The following ZDHHC14 variants were observed in gnomAD, a reference collection of about 807,000 sequenced individuals.
ZDHHC14 encodes the protein palmitoyltransferase ZDHHC14.
A neutral mutation model predicts 47.7 loss-of-function variants in ZDHHC14; 16 were observed. That is an observed-to-expected ratio of 0.34 (90% CI 0.23 to 0.51). The LOEUF (loss-of-function observed/expected upper bound fraction) is 0.51. ZDHHC14 is among the 20% of genes least tolerant of loss of function. The probability of loss-of-function intolerance (pLI) is 0.97; values close to 1 mark genes in which losing one functional copy is unlikely to be tolerated. For synonymous variants in ZDHHC14, 293 were observed against 278.9 expected (o/e 1.05, Z -0.50); for missense variants, 515 against 662.5 (o/e 0.78, Z 2.44).
chr6:157,467,932 T>C (rs1779259730), intron 1 of ZDHHC14, among the ~76,000 whole-genome samples: 1 of 152,212 alleles, frequency 6.6e-6, no homozygotes, highest in Non-Finnish European at 1.5e-5. Flanking sequence ...TGGTTCCACT[T>C]TGGGGTTCCT....
intron 2 of ZDHHC14, among the ~76,000 whole-genome samples, chr6:157,588,403 G>A (rs1783775219): frequency 1.3e-5 from 2 of 152,332 alleles, no homozygotes; most frequent in South Asian, 4.1e-4. Flanking sequence ...AGGCTACAGT[G>A]AGCTATGATA....
intron 2 of ZDHHC14, among the ~76,000 whole-genome samples, chr6:157,563,093 C>T (rs1782770917): frequency 6.6e-6 from 1 of 152,194 alleles, no homozygotes; most frequent in South Asian, 2.1e-4. Context: ...GTCTCCCAGG[C>T]ACCCGGAGCT....
chr6:157,624,972 A>G (rs1250707563), intron 3 of ZDHHC14, among the ~76,000 whole-genome samples: 1 of 152,136 alleles, frequency 6.6e-6, no homozygotes, highest in African/African-American at 2.4e-5. Context: ...GTGTCCTCCC[A>G]TGGCAGAAGG....
intron 2 of ZDHHC14, among the ~76,000 whole-genome samples, chr6:157,575,595 C>T (rs1783275811): frequency 6.6e-6 from 1 of 152,150 alleles, no homozygotes; most frequent in Non-Finnish European, 1.5e-5. Flanking sequence ...GTTCCCTGCT[C>T]CCAGCGAGTG....
intron 1 of ZDHHC14, among the ~76,000 whole-genome samples, chr6:157,420,082 A>G (rs1778065148): frequency 6.6e-6 from 1 of 152,232 alleles, no homozygotes; most frequent in South Asian, 2.1e-4. Context: ...CCATCTCCCC[A>G]GGTTATTTTA....
At position 157,653,591 on chromosome 6, in the gene ZDHHC14, C is replaced by T. The variant is rs1349799901; in HGVS notation, c.1032C>T (p.Ile344=). The T allele has an allele frequency of 6.2e-7, 1 of 1,613,956 alleles. No homozygotes were observed. The highest frequency in any genetic ancestry group is 8.5e-7 in the Non-Finnish European group (1 of 1,179,978). ...AGCCAGCAGCACCCTCCAATGGCAT[C>T]ACCATGTACGGGGCCACGCAGTCAC... is the stretch of plus-strand genomic sequence containing the variant. The part of the protein sequence containing the change: ...TPQPAAPSNG[I]TMYGATQSQS... The change falls in exon 8 of 9, where the codon ATC becomes ATT. Residue 344 remains isoleucine, a synonymous_variant. Coordinates refer to ENST00000359775, the MANE Select transcript of ZDHHC14 (RefSeq NM_024630.3).
intron 1 of ZDHHC14, among the ~76,000 whole-genome samples, chr6:157,417,751 C>T (rs993121777): frequency 1.3e-5 from 2 of 152,094 alleles, no homozygotes; most frequent in African/African-American, 2.4e-5. Flanking sequence ...GAGGCCGAGG[C>T]GGGCGGATCA....
intron 8 of ZDHHC14, among the ~76,000 whole-genome samples, chr6:157,661,314 T>G (rs1400443736): frequency 6.6e-6 from 1 of 152,224 alleles, no homozygotes; most frequent in East Asian, 1.9e-4. Context: ...ATCTGTTTTG[T>G]CAGCTAGCCT....
At chr6:157,615,623 G>A (rs1342122276) in intron 3 of ZDHHC14, among the ~76,000 whole-genome samples, 1 of 152,158 alleles carries the variant, frequency 6.6e-6, no homozygotes, top group African/African-American at 2.4e-5. Context: ...TAGGCAAAAG[G>A]CCAGGACCCA....
intron 3 of ZDHHC14, among the ~76,000 whole-genome samples, chr6:157,627,849 G>A (rs949543535): frequency 1.3e-5 from 2 of 152,216 alleles, no homozygotes; most frequent in Admixed American, 6.5e-5. Flanking sequence ...TCTGCTGAAC[G>A]GTTGTAACTG....
At position 157,645,725 on chromosome 6, in the gene ZDHHC14, G is replaced by A. The variant is rs1324566425; in HGVS notation, c.753-12G>A. ...GTCCCTCACTTCCGCTTGCCTCCTT[G>A]ACTCGCATCACCGTCCTGGAGGCTG... On this transcript the variant is annotated splice_polypyrimidine_tract_variant and intron_variant, in intron 5 of 8. Transcript: ENST00000359775. 1 of 1,612,410 alleles carries A rather than the reference G, an allele frequency of 6.2e-7. No homozygotes were observed. Among genetic ancestry groups the A allele is most frequent in the African/African-American group, 1.3e-5 (1 of 74,882 alleles).
chr6:157,654,740 CTTT>C (rs11376227), intron 8 of ZDHHC14, among the ~76,000 whole-genome samples: 1 of 145,866 alleles, frequency 6.9e-6, no homozygotes, highest in Non-Finnish European at 1.5e-5. Context: ...TTTTCTCTCT[CTTT>C]TTTTTTTTTG....
chr6:157,514,798 AT>A (rs1399350437), intron 1 of ZDHHC14, among the ~76,000 whole-genome samples: 12 of 152,150 alleles, frequency 7.9e-5, no homozygotes, highest in African/African-American at 2.9e-4. Context: ...CACCGATGGT[AT>A]AGGCACAAAA....
chr6:157,473,086 G>A (rs1290412043), intron 1 of ZDHHC14, among the ~76,000 whole-genome samples: 2 of 152,162 alleles, frequency 1.3e-5, no homozygotes, highest in African/African-American at 4.8e-5. Context: ...CATGGTATGT[G>A]ATATATGTAT....
intron 1 of ZDHHC14, among the ~76,000 whole-genome samples, chr6:157,539,464 G>A (rs146727298): frequency 7.9e-5 from 12 of 152,198 alleles, no homozygotes; most frequent in South Asian, 4.2e-4. Flanking sequence ...GCTGTCCCCC[G>A]GAGAGAAGAC....
chr6:157,553,618 G>A (rs1782334919), intron 2 of ZDHHC14, among the ~76,000 whole-genome samples: 1 of 149,938 alleles, frequency 6.7e-6, no homozygotes, highest in Admixed American at 6.6e-5. Context: ...CTTTACTTTA[G>A]ACTCGTATGC....
chr6:157,383,117 C>T (rs1777247269), intron 1 of ZDHHC14, among the ~76,000 whole-genome samples: 1 of 152,226 alleles, frequency 6.6e-6, no homozygotes, highest in Non-Finnish European at 1.5e-5. Flanking sequence ...AACTGTCCTC[C>T]TGCCAACTAA....
chr6:157,556,873 G>C (rs527643685), intron 2 of ZDHHC14, among the ~76,000 whole-genome samples: 2 of 152,336 alleles, frequency 1.3e-5, no homozygotes, highest in East Asian at 3.9e-4. Flanking sequence ...TGGTGGAGAA[G>C]CCAGTGAGAG....
chr6:157,517,321 C>CTT (rs34872988), intron 1 of ZDHHC14, among the ~76,000 whole-genome samples: 21 of 145,966 alleles, frequency 1.4e-4, no homozygotes, highest in Admixed American at 2.7e-4. Context: ...TATAGTATCT[C>CTT]TTTTTTTTTT....
Sources: gnomAD v4.1 joint callset for allele counts (sites outside exome capture counted in the v4.1 genomes callset) on GRCh38, gnomAD v4.1.1 for gene constraint, MANE v1.5 for transcripts, NCBI Gene and HGNC (gene_info 2026-07-23, HGNC 2026-07-21) for gene names.